COL1A2: variants seen among roughly 807,000 people sequenced by gnomAD.
COL1A2 encodes the protein collagen type I alpha 2 chain.
In COL1A2, 49 loss-of-function variants were observed where a neutral mutation model predicts 174.3. The observed-to-expected ratio is 0.28, with a 90% CI of 0.22 to 0.36. The LOEUF (loss-of-function observed/expected upper bound fraction) is 0.36. COL1A2 is among the 10% of genes least tolerant of loss of function. The pLI is 1.00. For synonymous variants in COL1A2, 655 were observed against 606.6 expected, an observed-to-expected ratio of 1.08 and a Z score of -1.17; for missense variants, 1,438 against 1,822.7, an observed-to-expected ratio of 0.79 and a Z score of 3.84.
chr7:94,410,771 T>C (rs1791904452), intron 21 of COL1A2, 118 bp from the exon 22 acceptor site: 1 of 1,162,936 alleles, frequency 8.6e-7, no homozygotes, highest in Non-Finnish European at 1.3e-6. Flanking sequence ...TGAAGTGTTT[T>C]GGCTTGGTTT....
In COL1A2 at chr7:94,406,021, A is replaced by T. The variant is rs577047281; in HGVS notation, c.541-229A>T. Among the ~76,000 whole-genome samples, 5 of 152,340 alleles carry T rather than the reference A, an allele frequency of 3.3e-5. 1 individual carries two copies. In the East Asian group the frequency reaches 9.6e-4, roughly 29 times the overall value. ...CATAAAATTATTAAGGATGGAAAAG[A>T]TGTGAGAGAACACCTAGTCCTCCAT... On this transcript the variant is annotated intron_variant, in intron 11 of 51. Coordinates refer to ENST00000297268, the MANE Select transcript of COL1A2 (RefSeq NM_000089.4).
At position 94,430,270 on chromosome 7, in the gene COL1A2, G is replaced by C. The variant is rs974785694; in HGVS notation, c.3978G>C (p.Lys1326Asn). 4.3e-6 allele frequency: 7 copies of C among 1,613,818 alleles called. No homozygotes were observed. The highest frequency in any genetic ancestry group is 5.9e-6 in the Non-Finnish European group (7 of 1,179,864). The change falls in exon 52 of 52, where the codon AAG becomes AAC. Residue 1326 changes from lysine to asparagine, a missense_variant. By Grantham distance (94) the Lys-to-Asn change is moderately conservative (BLOSUM62 0). Around this residue, in one of 3 missense-constraint regions of COL1A2, gnomAD observed 290 missense variants for 298.1 expected, o/e 0.97. Transcript: ENST00000297268. The stretch of plus-strand genomic sequence containing the variant: ...AGAAAAAGACAAATGAATGGGGAAA[G>C]ACAATCATTGAATACAAAACAAATA... The part of the protein sequence containing the change: ...GCSKKTNEWG[K>N]TIIEYKTNKP...
At chr7:94,400,445 A>G (rs1001541456) in intron 5 of COL1A2, among the ~76,000 whole-genome samples, 157 bp downstream of exon 5, 7 of 152,048 alleles carry the variant, frequency 4.6e-5, no homozygotes, top group African/African-American at 1.7e-4. Context: ...ATTCTGCTTT[A>G]CCCATTCTCT....
At chr7:94,425,913 A>C in intron 44 of COL1A2, 56 bp downstream of exon 44, 3 of 1,601,186 alleles carry the variant, frequency 1.9e-6, no homozygotes, top group Non-Finnish European at 2.6e-6. Flanking sequence ...TTCACTTCTG[A>C]CTTCCCCACA....
Position 94,420,642 on chromosome 7 carries a change from C to G in COL1A2, c.2289C>G (p.Gly763=), listed in dbSNP as rs1197394144. Residue 763 remains glycine, a synonymous_variant, in exon 37 of 52, where the codon GGC becomes GGG. Coordinates refer to ENST00000297268, the MANE Select transcript of COL1A2 (RefSeq NM_000089.4). The stretch of plus-strand genomic sequence containing the variant: ...CCACAGGCCCCGTTGGAGCTGCTGG[C>G]CCAGCTGTAAGTTGAATTCACTGGT... The part of the protein sequence containing the change: ...VGPTGPVGAA[G]PAGPNGPPGP... 6 of 1,592,812 alleles carry G rather than the reference C, an allele frequency of 3.8e-6. No homozygotes were observed. The South Asian group carries it at 6.8e-5, about 18-fold the overall frequency.
At chr7:94,420,748 C>T (rs1792142774) in intron 37 of COL1A2, 100 bp downstream of exon 37, 1 of 1,091,232 alleles carries the variant, frequency 9.2e-7, no homozygotes, top group Admixed American at 2.0e-5. Flanking sequence ...GGGAATATAC[C>T]AGATAGAAGA....
At chr7:94,415,006 A>T (rs1792008942) in intron 29 of COL1A2, among the ~76,000 whole-genome samples, 1 of 152,194 alleles carries the variant, frequency 6.6e-6, no homozygotes, top group South Asian at 2.1e-4. Context: ...AAATTTTTTG[A>T]TACCAAGTTC....
intron 39 of COL1A2, among the ~76,000 whole-genome samples, chr7:94,422,235 A>G (rs1792181267): frequency 6.6e-6 from 1 of 151,384 alleles, no homozygotes; most frequent in Admixed American, 6.6e-5. Flanking sequence ...TTAGCCACAT[A>G]TCAGATATTT....
intron 12 of COL1A2, 129 bp from the exon 13 acceptor site, chr7:94,407,718 A>G (rs542587900): frequency 1.0e-4 from 80 of 788,296 alleles, no homozygotes; most frequent in African/African-American, 4.9e-4. Flanking sequence ...TTGAAAAACA[A>G]TCTATATGTG....
At chr7:94,410,796 C>A in intron 21 of COL1A2, 93 bp from the exon 22 acceptor site, 1 of 1,364,882 alleles carries the variant, frequency 7.3e-7, no homozygotes, top group Non-Finnish European at 1.0e-6. Flanking sequence ...CTGTATCTCC[C>A]CTGTAAGGAG....
Position 94,395,027 on chromosome 7 carries a change from T to C in COL1A2, c.-5T>C, listed in dbSNP as rs776925896. 1.3e-5 allele frequency: 21 copies of C among 1,613,392 alleles called. No individual in the cohort carries two copies. The highest frequency in any genetic ancestry group is 1.8e-4 in the Middle Eastern group (1 of 5,626). Reference sequence around the variant, plus strand: ...ACAAGGAGTCTGCATGTCTAAGTGCTAGACATGCTCAGCTTTGTGGATACG... The same window carrying C: ...ACAAGGAGTCTGCATGTCTAAGTGCCAGACATGCTCAGCTTTGTGGATACG... On this transcript the variant is annotated 5_prime_UTR_variant, in exon 1 of 52. An upstream open reading frame in the 5' UTR loses its in-frame stop. Transcript: ENST00000297268.
In COL1A2 at chr7:94,409,758, T is replaced by C; in HGVS notation, c.972T>C (p.Pro324=). ...LPGVAGAPGL[P]GPRGIPGPVG... The stretch of plus-strand genomic sequence containing the variant: ...GCGTTGCTGGGGCTCCCGGCCTCCC[T>C]GGACCCCGCGGTATTCCTGGCCCTG... The change falls in exon 19 of 52, where the codon CCT becomes CCC. Residue 324 remains proline (P), a synonymous_variant. Transcript: ENST00000297268. The C allele has an allele frequency of 1.2e-6, 2 of 1,614,186 alleles. No individual in the cohort carries two copies. The highest frequency in any genetic ancestry group is 1.7e-6 in the Non-Finnish European group (2 of 1,180,032).
At chr7:94,403,174 A>G (rs146334443) in intron 6 of COL1A2, among the ~76,000 whole-genome samples, 55 of 152,316 alleles carry the variant, frequency 3.6e-4, no homozygotes, top group African/African-American at 1.3e-3. Context: ...GAAAATTAAT[A>G]TGGATTTCAG....
At chr7:94,422,073 G>A in intron 39 of COL1A2, 121 bp downstream of exon 39, 1 of 752,514 alleles carries the variant, frequency 1.3e-6, no homozygotes. Flanking sequence ...TTACTCTCCT[G>A]GTCTGAAGTC....
chr7:94,430,639 G>A lies in COL1A2; in HGVS notation c.*246G>A, dbSNP rs1792383186. 1.1e-5 allele frequency: 5 copies of A among 457,756 alleles called. No individual in the cohort carries two copies. The highest frequency in any genetic ancestry group is 1.5e-5 in the Non-Finnish European group (4 of 259,068). The allele number at this position is 457,756 out of a possible 1,614,324, so 28.4% of individuals were successfully genotyped here. A position where few individuals can be genotyped will look rare whatever the true frequency, so the allele number is the denominator to read the frequency against. Reference sequence around the variant, plus strand: ...TTTCAACACTCTTACACCTGTTATGGAAAATGTCAACCTTTGTAAGAAAAC... The same window carrying A: ...TTTCAACACTCTTACACCTGTTATGAAAAATGTCAACCTTTGTAAGAAAAC... On this transcript the variant is annotated 3_prime_UTR_variant, in exon 52 of 52. Transcript: ENST00000297268.
At chr7:94,397,352 T>A (rs1791603259) in intron 1 of COL1A2, among the ~76,000 whole-genome samples, 2 of 152,152 alleles carry the variant, frequency 1.3e-5, no homozygotes, top group South Asian at 4.1e-4. Context: ...ATTTAGGTAT[T>A]AAAAATGATC....
At position 94,426,472 on chromosome 7, in the gene COL1A2, C is replaced by A. The variant is rs377278762; in HGVS notation, c.3047C>A (p.Pro1016His). Reference sequence around the variant, plus strand: ...AAGGGAGAGCCCGGTGAAAAGGGGCCCAGAGGTCTTCCTGGCTTAAAGGGA... The same window carrying A: ...AAGGGAGAGCCCGGTGAAAAGGGGCACAGAGGTCTTCCTGGCTTAAAGGGA... Reference protein sequence around the residue: ...GDKGEPGEKGPRGLPGLKGHN... With the variant: ...GDKGEPGEKGHRGLPGLKGHN... The change falls in exon 46 of 52, where the codon CCC becomes CAC. Residue 1016 changes from proline (P) to histidine (H), a missense_variant. Physicochemically the swap from Pro to His is moderately conservative, Grantham distance 77 (BLOSUM62 -2). Around this residue, in one of 3 missense-constraint regions of COL1A2, gnomAD observed 867 missense variants for 1,213.7 expected, o/e 0.71. Transcript: ENST00000297268. 152 of 1,607,348 alleles carry A rather than the reference C, an allele frequency of 9.5e-5. 1 individual carries two copies. The Middle Eastern group carries it at 1.2e-3, about 12-fold the overall frequency.
chr7:94,429,099 TTTTTTTTTC>T, intron 50 of COL1A2, 80 bp from the exon 51 acceptor site: 6 of 908,224 alleles, frequency 6.6e-6, no homozygotes, highest in Non-Finnish European at 9.3e-6. Context: ...TCCTGAGATC[TTTTTTTTTC>T]TTTTTTTTTT....
chr7:94,429,063 C>G (rs1417992593), intron 50 of COL1A2, 125 bp from the exon 51 acceptor site: 24 of 801,362 alleles, frequency 3.0e-5, no homozygotes, highest in Non-Finnish European at 4.3e-5. Context: ...GTACCCTTTT[C>G]CTAAGCTTGG....
Sources: allele counts gnomAD v4.1 joint callset (sites outside exome capture counted in the v4.1 genomes callset), GRCh38; gene constraint gnomAD v4.1.1; regional missense constraint gnomAD v4.1.1; transcripts MANE v1.5; gene names NCBI Gene and HGNC (gene_info 2026-07-23, HGNC 2026-07-21).